Variants in CNTNAP3 observed in about 807,000 individuals in gnomAD.
CNTNAP3 encodes contactin associated protein family member 3.
Under a neutral mutation model 92.1 loss-of-function variants are expected in CNTNAP3, and 36 were observed. The ratio of observed to expected loss-of-function variants is 0.39; its 90% confidence interval spans 0.30 to 0.52. The LOEUF (loss-of-function observed/expected upper bound fraction) is 0.52, where lower values mean the gene tolerates loss of function less well. Among genes scored for constraint, CNTNAP3 ranks in the 20% least tolerant of loss-of-function variants. The pLI, the probability that CNTNAP3 is intolerant of heterozygous loss-of-function variation, is 0.76. For missense variants in CNTNAP3, 534 were observed against 1,069.6 expected (o/e 0.50, Z 6.98); for synonymous variants, 232 against 422.3 (o/e 0.55, Z 5.53).
chr9:39,110,427 C>A (rs1332148), intron 14 of CNTNAP3, among the ~76,000 whole-genome samples: 1 of 152,054 alleles, frequency 6.6e-6, no homozygotes, highest in African/African-American at 2.4e-5. Flanking sequence ...AAAAACCCCA[C>A]ACACTCAGCG....
In CNTNAP3 at chr9:39,070,848, T is replaced by G. The variant is rs1386787338; in HGVS notation, c.*3042A>C. 6.6e-6 allele frequency among the ~76,000 whole-genome samples: 1 copy of G among 152,260 alleles called. No individual in the cohort carries two copies. The highest frequency in any genetic ancestry group is 1.5e-5 in the Non-Finnish European group (1 of 68,026). ...AATAAAAAAGATTTCCCATCAAATATTCTTTCAGAGAAGATGTGAACAAAG... is the reference window on the plus strand; with the variant it reads ...AATAAAAAAGATTTCCCATCAAATAGTCTTTCAGAGAAGATGTGAACAAAG... On this transcript the variant is annotated 3_prime_UTR_variant, in exon 24 of 24. Transcript: ENST00000297668.
intron 15 of CNTNAP3, chr9:39,106,342 G>A (rs974629762): frequency 3.9e-5 from 6 of 152,096 alleles, no homozygotes; most frequent in African/African-American, 1.4e-4. Context: ...CCAGGCTGGA[G>A]TGCAGTGGCA....
chr9:39,125,641 T>C (rs907413060), intron 13 of CNTNAP3, among the ~76,000 whole-genome samples: 1 of 152,066 alleles, frequency 6.6e-6, no homozygotes, highest in African/African-American at 2.4e-5. Flanking sequence ...GAGAAAGATA[T>C]ACCATGGTAA....
At chr9:39,091,171 C>CTTTTTTT (rs201329360) in intron 18 of CNTNAP3, among the ~76,000 whole-genome samples, 210 of 127,828 alleles carry the variant, frequency 1.6e-3, no homozygotes, top group South Asian at 3.3e-3. Context: ...TTTTCTTCTT[C>CTTTTTTT]TTTTTTTTTT....
At chr9:39,121,765 GA>G (rs145608934) in intron 13 of CNTNAP3, among the ~76,000 whole-genome samples, 6 of 151,786 alleles carry the variant, frequency 4.0e-5, no homozygotes, top group African/African-American at 1.2e-4. Flanking sequence ...ATAAAGATAG[GA>G]AAAAAAATGC....
At position 39,114,055 on chromosome 9, in the gene CNTNAP3, CAT is replaced by C. The variant is rs765973060; in HGVS notation, c.2237+4046_2237+4047del. Among the ~76,000 whole-genome samples, 379 of 144,520 alleles carry C rather than the reference CAT, an allele frequency of 2.6e-3. 5 individuals carry two copies. The highest frequency in any genetic ancestry group is 2.1e-3 in the African/African-American group (80 of 37,710). The allele number at this position is 144,520 out of a possible 152,430, so 94.8% of individuals were successfully genotyped here. A position where few individuals can be genotyped will look rare whatever the true frequency, so the allele number is the denominator to read the frequency against. On this transcript the variant is annotated intron_variant, in intron 14 of 23. Transcript: ENST00000297668. ...ATATATACACACACACACACACACA[CAT>C]ATATATATATACACACACACATACT...
At chr9:39,082,707 G>C (rs1382738799) in intron 21 of CNTNAP3, among the ~76,000 whole-genome samples, 1 of 152,308 alleles carries the variant, frequency 6.6e-6, no homozygotes, top group African/African-American at 2.4e-5. Context: ...GAACAGACTT[G>C]CTTAGTGCTT....
At chr9:39,116,701 T>C (rs1053672509) in intron 14 of CNTNAP3, among the ~76,000 whole-genome samples, 2 of 152,090 alleles carry the variant, frequency 1.3e-5, no homozygotes, top group Non-Finnish European at 2.9e-5. Flanking sequence ...TAAATCTGTA[T>C]GATCATTTAG....
At chr9:39,147,721 A>G (rs1332673035) in intron 10 of CNTNAP3, among the ~76,000 whole-genome samples, 2 of 150,986 alleles carry the variant, frequency 1.3e-5, no homozygotes, top group Non-Finnish European at 3.0e-5. Context: ...GGGATCTTAG[A>G]GACCAAGTTA....
intron 2 of CNTNAP3, among the ~76,000 whole-genome samples, chr9:39,249,697 G>A (rs1481346788): frequency 6.5e-5 from 1 of 15,408 alleles, no homozygotes; most frequent in African/African-American, 8.0e-5. Context: ...TTGCCCCTGT[G>A]GGCCTCAGGG....
intron 23 of CNTNAP3, among the ~76,000 whole-genome samples, chr9:39,075,672 T>G: frequency 6.6e-6 from 1 of 152,268 alleles, no homozygotes; most frequent in Non-Finnish European, 1.5e-5. Flanking sequence ...CACTAGTTTC[T>G]TCCCATATAT....
chr9:39,080,755 A>G (rs78860088), intron 21 of CNTNAP3, among the ~76,000 whole-genome samples: 3,330 of 100,124 alleles, frequency 0.033, 36 homozygotes, highest in East Asian at 0.1. Context: ...TCCGCCTCCC[A>G]GGTACAAGCG....
Position 39,071,565 on chromosome 9 carries a change from GCTTTTA to G in CNTNAP3, c.*2319_*2324del, listed in dbSNP as rs1381895825. 6.6e-6 allele frequency among the ~76,000 whole-genome samples: 1 copy of G among 151,906 alleles called. No homozygotes were observed. The highest frequency in any genetic ancestry group is 1.5e-5 in the Non-Finnish European group (1 of 67,926). On this transcript the variant is annotated 3_prime_UTR_variant, in exon 24 of 24. Coordinates refer to ENST00000297668, the MANE Select transcript of CNTNAP3 (RefSeq NM_033655.5). ...AAGAAAAAAGTTGGGAAATTATTAT[GCTTTTA>G]CTTTTATGTTACAAAAGGGTGTTAC...
At position 39,144,233 on chromosome 9, in the gene CNTNAP3, G is replaced by A; in HGVS notation, c.1756+7C>T. 1 of 1,591,648 alleles carries A rather than the reference G, an allele frequency of 6.3e-7. No individual in the cohort carries two copies. The highest frequency in any genetic ancestry group is 2.3e-5 in the East Asian group (1 of 44,138). On this transcript the variant is annotated splice_region_variant and intron_variant, in intron 11 of 23. Transcript: ENST00000297668. ...TGACAGAAACGAGAGGGAGGCGTGA[G>A]GCTTACAGGAATGGCAGGTCTCGCC... is the stretch of plus-strand genomic sequence containing the variant.
rs1322287014 is a variant in CNTNAP3, at chr9:39,080,310, C to T, written c.3443-1390G>A. On this transcript the variant is annotated intron_variant, in intron 21 of 23. Coordinates refer to ENST00000297668, the MANE Select transcript of CNTNAP3 (RefSeq NM_033655.5). Reference sequence around the variant, plus strand: ...ACCTTTCTCATCCCTCTCACCACCCCGCAGGTGATGTCTGACAACACTGGC... The same window carrying T: ...ACCTTTCTCATCCCTCTCACCACCCTGCAGGTGATGTCTGACAACACTGGC... Among the ~76,000 whole-genome samples, 8 of 137,454 alleles carry T rather than the reference C, an allele frequency of 5.8e-5. 1 individual carries two copies. The highest frequency in any genetic ancestry group is 1.7e-4 in the African/African-American group (6 of 36,048). 90.2% of individuals were successfully genotyped at this position (137,454 alleles called of 152,430 possible).
At chr9:39,145,362 C>G (rs1218052910) in intron 10 of CNTNAP3, among the ~76,000 whole-genome samples, 1 of 140,596 alleles carries the variant, frequency 7.1e-6, no homozygotes, top group Non-Finnish European at 1.6e-5. Flanking sequence ...CCTTCCAGGC[C>G]GTGAGGGACA....
intron 19 of CNTNAP3, among the ~76,000 whole-genome samples, chr9:39,087,597 C>G (rs1233117922): frequency 6.6e-6 from 1 of 152,168 alleles, no homozygotes; most frequent in African/African-American, 2.4e-5. Context: ...CGCCATTCTC[C>G]TGCCTCAGCC....
In CNTNAP3 at chr9:39,078,679, G is replaced by C; in HGVS notation, c.3673+11C>G. ...GCAGTTTCAGGTGCGCAGGGGTGGA[G>C]GGCCACACACCTGCGCCCCCCGCGA... On this transcript the variant is annotated intron_variant, in intron 22 of 23. Coordinates refer to ENST00000297668, the MANE Select transcript of CNTNAP3 (RefSeq NM_033655.5). 1 of 1,547,232 alleles carries C rather than the reference G, an allele frequency of 6.5e-7. No homozygotes were observed. Among genetic ancestry groups the C allele is most frequent in the Non-Finnish European group, 8.7e-7 (1 of 1,146,628 alleles).
Position 39,069,019 on chromosome 9 carries a change from C to A in CNTNAP3, c.*4871G>T, listed in dbSNP as rs1825577020. On this transcript the variant is annotated 3_prime_UTR_variant, in exon 24 of 24. Coordinates refer to ENST00000297668, the MANE Select transcript of CNTNAP3 (RefSeq NM_033655.5). ...ATATATGTAAGTATAAACACACATA[C>A]ACATATATATATGTATGTATATAAC... Among the ~76,000 whole-genome samples the A allele has an allele frequency of 7.9e-6, 1 of 126,582 alleles. No individual in the cohort carries two copies. Among genetic ancestry groups the A allele is most frequent in the South Asian group, 2.6e-4 (1 of 3,864 alleles). The allele number at this position is 126,582 out of a possible 152,430, so 83.0% of individuals were successfully genotyped here.
Sources: allele counts gnomAD v4.1 joint callset (sites outside exome capture counted in the v4.1 genomes callset), GRCh38; gene constraint gnomAD v4.1.1; transcripts MANE v1.5; gene names NCBI Gene and HGNC (gene_info 2026-07-23, HGNC 2026-07-21).